The following OR2C1 variants were observed in gnomAD, a reference collection of about 807,000 sequenced individuals.
OR2C1 encodes the protein olfactory receptor 2C1.
For synonymous variants in OR2C1, 209 were observed against 167.3 expected, an observed-to-expected ratio of 1.25 and a Z score of -1.92; for missense variants, 468 against 388.3, an observed-to-expected ratio of 1.21 and a Z score of -1.73.
At chr16:3,352,241 C>A (rs564472052), upstream of OR2C1, among the ~76,000 whole-genome samples, 2 of 151,932 alleles carry the variant, frequency 1.3e-5, no homozygotes, top group African/African-American at 4.8e-5. Flanking sequence ...CTCAGCCTCC[C>A]GAGTAGCTGG....
upstream of OR2C1, among the ~76,000 whole-genome samples, chr16:3,351,255 T>C (rs1394094339): frequency 7.3e-6 from 1 of 137,120 alleles, no homozygotes; most frequent in Admixed American, 7.8e-5. Context: ...TGAGACAGAG[T>C]TTTGCTCTGT....
chr16:3,337,108 G>C, the OR2C1 span, among the ~76,000 whole-genome samples: 101 of 151,898 alleles, frequency 6.6e-4, 1 homozygote, highest in African/African-American at 2.4e-3. Flanking sequence ...ACCTGCCTCA[G>C]CCTCCCAAAG....
At chr16:3,333,407 C>G in the OR2C1 span, among the ~76,000 whole-genome samples, 1 of 151,858 alleles carries the variant, frequency 6.6e-6, no homozygotes, top group African/African-American at 2.4e-5. Context: ...ACGATCTCGG[C>G]TCACTGCAAG....
upstream of OR2C1, among the ~76,000 whole-genome samples, chr16:3,354,693 T>C (rs1200095038): frequency 2.0e-5 from 3 of 152,192 alleles, no homozygotes; most frequent in Non-Finnish European, 4.4e-5. Context: ...TAACAGAAAA[T>C]TCTGGGGAGC....
chr16:3,329,169 GACACACACACAC>G, the OR2C1 span, among the ~76,000 whole-genome samples: 38 of 115,150 alleles, frequency 3.3e-4, no homozygotes, highest in African/African-American at 1.2e-3. Flanking sequence ...TGGGAGGGAA[GACACACACACAC>G]ACACACACAC....
the OR2C1 span, among the ~76,000 whole-genome samples, chr16:3,325,403 G>A: frequency 1.3e-5 from 2 of 149,636 alleles, no homozygotes. Flanking sequence ...ACAAGTATGA[G>A]CCATCACACC....
At chr16:3,355,498 G>T (rs976077311), upstream of OR2C1, among the ~76,000 whole-genome samples, 1 of 114,166 alleles carries the variant, frequency 8.8e-6, no homozygotes, top group African/African-American at 3.3e-5. Context: ...AAGTAAGTTG[G>T]AGTCCAGGTG....
At chr16:3,343,329 G>T in the OR2C1 span, among the ~76,000 whole-genome samples, 1 of 152,128 alleles carries the variant, frequency 6.6e-6, no homozygotes, top group Non-Finnish European at 1.5e-5. Context: ...TGAACTCCTG[G>T]GCTCAAGCGA....
At chr16:3,329,671 A>G in the OR2C1 span, among the ~76,000 whole-genome samples, 10,003 of 150,572 alleles carry the variant, frequency 0.066, 516 homozygotes, top group East Asian at 0.31. Flanking sequence ...GGATGGTCTC[A>G]ATCTCCTGAC....
In OR2C1 at chr16:3,356,099, C is replaced by A; in HGVS notation, c.159C>A (p.Ala53=). Residue 53 remains alanine (A), a synonymous_variant, in exon 1 of 1, where the codon GCC becomes GCA. Coordinates refer to ENST00000304936, the MANE Select transcript of OR2C1 (RefSeq NM_012368.3). Reference sequence around the variant, plus strand: ...TCATCTTGCTTTCCCGCCTGGAGGCCCGGCTCCATACACCCATGTACTTCT... The same window carrying A: ...TCATCTTGCTTTCCCGCCTGGAGGCACGGCTCCATACACCCATGTACTTCT... ...STIILLSRLE[A]RLHTPMYFFL... The A allele has an allele frequency of 6.2e-7, 1 of 1,614,156 alleles. No homozygotes were observed. Among genetic ancestry groups the A allele is most frequent in the Middle Eastern group, 1.6e-4 (1 of 6,062 alleles).
chr16:3,345,346 C>T, the OR2C1 span, among the ~76,000 whole-genome samples: 3 of 151,670 alleles, frequency 2.0e-5, no homozygotes, highest in Non-Finnish European at 2.9e-5. Context: ...ATTAGCCGGG[C>T]GTGATGGCGG....
the OR2C1 span, among the ~76,000 whole-genome samples, chr16:3,326,213 G>A: frequency 6.6e-6 from 1 of 152,074 alleles, no homozygotes; most frequent in African/African-American, 2.4e-5. Context: ...ACAGGCGTGA[G>A]CCACCGTGCC....
chr16:3,336,911 T>C, the OR2C1 span, among the ~76,000 whole-genome samples: 2 of 151,858 alleles, frequency 1.3e-5, no homozygotes, highest in African/African-American at 4.8e-5. Context: ...TTTCTATATG[T>C]TGGTCAGGCT....
the OR2C1 span, among the ~76,000 whole-genome samples, chr16:3,329,748 CTTTTTTTTTTTTT>C: frequency 1.6e-5 from 1 of 62,622 alleles, no homozygotes; most frequent in African/African-American, 8.0e-5. Context: ...GGCGCCCGGC[CTTTTTTTTTTTTT>C]TTTTTTTTTT....
chr16:3,344,600 G>A, the OR2C1 span, among the ~76,000 whole-genome samples: 2 of 152,068 alleles, frequency 1.3e-5, no homozygotes, highest in East Asian at 1.9e-4. Context: ...GGTGGCGGGC[G>A]CCTGTAGTCC....
the OR2C1 span, among the ~76,000 whole-genome samples, chr16:3,326,176 G>A: frequency 2.0e-5 from 3 of 151,764 alleles, no homozygotes; most frequent in South Asian, 2.1e-4. Flanking sequence ...TGATTGGCCC[G>A]CCTCGCCCTC....
In OR2C1 at chr16:3,356,101, G is replaced by A. The variant is rs1016801013; in HGVS notation, c.161G>A (p.Arg54Gln). The change falls in exon 1 of 1, where the codon CGG (arginine) becomes CAG (glutamine). Residue 54 changes from arginine to glutamine, a missense_variant. Transcript: ENST00000304936. ...TIILLSRLEARLHTPMYFFLS... is the reference protein window; with the variant it reads ...TIILLSRLEAQLHTPMYFFLS... ...ATCTTGCTTTCCCGCCTGGAGGCCC[G>A]GCTCCATACACCCATGTACTTCTTC... 17 of 1,613,952 alleles carry A rather than the reference G, an allele frequency of 1.1e-5. No individual in the cohort carries two copies. Among genetic ancestry groups the A allele is most frequent in the African/African-American group, 4.0e-5 (3 of 74,872 alleles).
At chr16:3,334,165 G>A in the OR2C1 span, among the ~76,000 whole-genome samples, 1 of 148,380 alleles carries the variant, frequency 6.7e-6, no homozygotes, top group Non-Finnish European at 1.5e-5. Context: ...TTCAGATGGA[G>A]TATCACTCTC....
chr16:3,348,040 A>G, the OR2C1 span, among the ~76,000 whole-genome samples: 1 of 152,218 alleles, frequency 6.6e-6, no homozygotes, highest in African/African-American at 2.4e-5. Context: ...TGTCTATTCA[A>G]ACAAAGTGAA....
Sources: allele counts gnomAD v4.1 joint callset (sites outside exome capture counted in the v4.1 genomes callset), GRCh38; gene constraint gnomAD v4.1.1; transcripts MANE v1.5; gene names NCBI Gene and HGNC (gene_info 2026-07-23, HGNC 2026-07-21).